The following NEGR1 variants were observed in gnomAD, a reference collection of about 807,000 sequenced individuals.
NEGR1 encodes neuronal growth regulator 1, also known as IgLON family member 4.
Under a neutral mutation model 40.9 loss-of-function variants are expected in NEGR1, and 10 were observed. That is an observed-to-expected ratio of 0.24 (90% CI 0.15 to 0.42). The LOEUF is 0.42. Among genes scored for constraint, NEGR1 ranks in the 10% least tolerant of loss-of-function variants. NEGR1 has a pLI of 1.00. For synonymous variants in NEGR1, 185 were observed against 166.8 expected (o/e 1.11, Z -0.84); for missense variants, 352 against 438.9 (o/e 0.80, Z 1.77).
At chr1:71,607,904 G>T (rs1219437202) in intron 5 of NEGR1, among the ~76,000 whole-genome samples, 1 of 152,160 alleles carries the variant, frequency 6.6e-6, no homozygotes, top group Non-Finnish European at 1.5e-5. Context: ...GGCCAGGGTG[G>T]TCTCTATCTC....
chr1:72,132,015 C>T lies in NEGR1; in HGVS notation c.176+150304G>A, dbSNP rs547070114. The stretch of plus-strand genomic sequence containing the variant: ...TTGGGGTCCTGAGGCAGGAGAATCG[C>T]TTTAACTTGGGAGGTGGAGGGTACA... On this transcript the variant is annotated intron_variant, in intron 1 of 6. Transcript: ENST00000357731. Among the ~76,000 whole-genome samples the T allele has an allele frequency of 5.9e-5, 9 of 152,188 alleles. No homozygotes were observed. In the South Asian group the frequency reaches 1.7e-3, roughly 28 times the overall value.
intron 1 of NEGR1, among the ~76,000 whole-genome samples, chr1:71,999,610 T>C (rs1216050014): frequency 7.5e-6 from 1 of 132,894 alleles, no homozygotes; most frequent in Non-Finnish European, 1.6e-5. Flanking sequence ...AATTCTTATG[T>C]ATTTGCATCT....
At chr1:72,087,590 T>G (rs1648277330) in intron 1 of NEGR1, among the ~76,000 whole-genome samples, 1 of 151,622 alleles carries the variant, frequency 6.6e-6, no homozygotes, top group African/African-American at 2.4e-5. Context: ...AAGAACATAT[T>G]TGTGTTCTTT....
intron 2 of NEGR1, among the ~76,000 whole-genome samples, chr1:71,785,542 A>G (rs984978688): frequency 7.2e-5 from 11 of 152,314 alleles, no homozygotes; most frequent in Admixed American, 5.9e-4. Flanking sequence ...AATTTATATT[A>G]AGGAAAGCAA....
In NEGR1 at chr1:72,173,920, G is replaced by A. The variant is rs137882151; in HGVS notation, c.176+108399C>T. Among the ~76,000 whole-genome samples, 45 of 152,122 alleles carry A rather than the reference G, an allele frequency of 3.0e-4. No homozygotes were observed. The East Asian group carries it at 5.4e-3, about 18-fold the overall frequency. On this transcript the variant is annotated intron_variant, in intron 1 of 6. Transcript: ENST00000357731. ...ATCATGCCACTGCACTCTAGCCTGGGCTACAGAGTGAGACTCTTATCTCAA... is the reference window on the plus strand; with the variant it reads ...ATCATGCCACTGCACTCTAGCCTGGACTACAGAGTGAGACTCTTATCTCAA...
intron 6 of NEGR1, among the ~76,000 whole-genome samples, chr1:71,552,651 G>A (rs1442589615): frequency 2.0e-5 from 3 of 149,686 alleles, no homozygotes; most frequent in Non-Finnish European, 4.5e-5. Context: ...ACATCTATAT[G>A]TATATATAGT....
Position 72,157,925 on chromosome 1 carries a change from G to A in NEGR1, c.176+124394C>T, listed in dbSNP as rs188134479. ...TGAGACCCTGTCTAAGAGGACAGGT[G>A]GTAGCTGTTGTCAGTGCAAACATCA... On this transcript the variant is annotated intron_variant, in intron 1 of 6. Transcript: ENST00000357731. Among the ~76,000 whole-genome samples, 5 of 152,242 alleles carry A rather than the reference G, an allele frequency of 3.3e-5. No individual in the cohort carries two copies. The East Asian group carries it at 7.7e-4, about 24-fold the overall frequency.
At chr1:71,458,255 T>C (rs1366686759) in intron 6 of NEGR1, among the ~76,000 whole-genome samples, 1 of 152,226 alleles carries the variant, frequency 6.6e-6, no homozygotes, top group African/African-American at 2.4e-5. Flanking sequence ...AGTTATTGCT[T>C]ACTGCCATTA....
intron 1 of NEGR1, among the ~76,000 whole-genome samples, chr1:72,070,518 A>T (rs1435896690): frequency 6.6e-6 from 1 of 152,052 alleles, no homozygotes; most frequent in Non-Finnish European, 1.5e-5. Context: ...TGGAAATGAT[A>T]AAAAATAGAG....
intron 1 of NEGR1, among the ~76,000 whole-genome samples, chr1:72,024,392 T>C (rs1021118652): frequency 1.3e-5 from 2 of 152,080 alleles, no homozygotes; most frequent in Admixed American, 6.6e-5. Context: ...TTAACAGCAT[T>C]TATTGTTGTT....
intron 4 of NEGR1, among the ~76,000 whole-genome samples, chr1:71,645,642 T>C (rs1452269169): frequency 6.6e-6 from 1 of 151,828 alleles, no homozygotes; most frequent in Non-Finnish European, 1.5e-5. Context: ...TTTTTGAAGC[T>C]CTTGGTAAGA....
At chr1:71,682,437 T>A (rs1463625740) in intron 4 of NEGR1, among the ~76,000 whole-genome samples, 2 of 152,216 alleles carry the variant, frequency 1.3e-5, no homozygotes, top group Non-Finnish European at 2.9e-5. Flanking sequence ...TTTTGTTATA[T>A]GAGACTGGAT....
intron 3 of NEGR1, among the ~76,000 whole-genome samples, chr1:71,756,804 G>A (rs12740031): frequency 0.35 from 53,646 of 151,212 alleles, 9,921 homozygotes; most frequent in East Asian, 0.57. Flanking sequence ...GAAACAATAC[G>A]GCTGGTACTG....
At chr1:72,162,491 A>G (rs76355845) in intron 1 of NEGR1, among the ~76,000 whole-genome samples, 6,966 of 151,980 alleles carry the variant, frequency 0.046, 523 homozygotes, top group African/African-American at 0.16. Flanking sequence ...CAAAAGAAAA[A>G]CAAACAAAGC....
At chr1:71,652,725 T>G (rs1651757784) in intron 4 of NEGR1, among the ~76,000 whole-genome samples, 1 of 151,746 alleles carries the variant, frequency 6.6e-6, no homozygotes, top group Non-Finnish European at 1.5e-5. Context: ...ATTAACCAGG[T>G]GTGGTGGTGT....
intron 1 of NEGR1, among the ~76,000 whole-genome samples, chr1:72,185,523 G>C (rs923437394): frequency 6.6e-6 from 1 of 151,880 alleles, no homozygotes; most frequent in Admixed American, 6.6e-5. Context: ...CTGTAGAATG[G>C]CTGAGCGATA....
chr1:72,085,330 C>T lies in NEGR1; in HGVS notation c.177-150019G>A, dbSNP rs1648171474. On this transcript the variant is annotated intron_variant, in intron 1 of 6. Coordinates refer to ENST00000357731, the MANE Select transcript of NEGR1 (RefSeq NM_173808.3). ...AAGTCTGCAATATTTGTAGTACTAGCCTTGAAAATGTTTAAAATAATATTC... is the reference window on the plus strand; with the variant it reads ...AAGTCTGCAATATTTGTAGTACTAGTCTTGAAAATGTTTAAAATAATATTC... Among the ~76,000 whole-genome samples the T allele has an allele frequency of 2.0e-5, 3 of 152,204 alleles. No homozygotes were observed. The South Asian group carries it at 6.2e-4, about 32-fold the overall frequency.
At chr1:72,027,771 C>T (rs61767486) in intron 1 of NEGR1, among the ~76,000 whole-genome samples, 14,491 of 152,232 alleles carry the variant, frequency 0.095, 778 homozygotes, top group Middle Eastern at 0.18. Flanking sequence ...ATCTGACTAT[C>T]TCTAAATCCT....
rs189312621 is a variant in NEGR1 at position 72,115,703 on chromosome 1, C to A, written c.176+166616G>T. Among the ~76,000 whole-genome samples, 214 of 151,698 alleles carry A rather than the reference C, an allele frequency of 1.4e-3. 1 individual carries two copies. Among genetic ancestry groups the A allele is most frequent in the African/African-American group, 5.0e-3 (209 of 41,438 alleles). On this transcript the variant is annotated intron_variant, in intron 1 of 6. Transcript: ENST00000357731. ...GCTCTCCAGGTATTTAGTGGGTATA[C>A]GGGAAGTACCCTGGTGACAATACAC...
Sources: gnomAD v4.1 joint callset for allele counts (sites outside exome capture counted in the v4.1 genomes callset) on GRCh38, gnomAD v4.1.1 for gene constraint, MANE v1.5 for transcripts, NCBI Gene and HGNC (gene_info 2026-07-23, HGNC 2026-07-21) for gene names.